The following NUMB variants were observed in gnomAD, a reference collection of about 807,000 sequenced individuals.
NUMB encodes the protein NUMB endocytic adaptor protein, also known as protein numb homolog.
Under a neutral mutation model 59.7 loss-of-function variants are expected in NUMB, and 29 were observed. That is an observed-to-expected ratio of 0.49 (90% CI 0.36 to 0.66). The LOEUF (loss-of-function observed/expected upper bound fraction) is 0.66, where lower values mean the gene tolerates loss of function less well. Among genes scored for constraint, NUMB ranks in the 30% least tolerant of loss-of-function variants. The pLI, the probability that NUMB is intolerant of heterozygous loss-of-function variation, is 0.00. For missense variants in NUMB, 723 were observed against 822.0 expected (o/e 0.88, Z 1.47); for synonymous variants, 288 against 288.2 (o/e 1.00, Z 0.01).
intron 1 of NUMB, among the ~76,000 whole-genome samples, chr14:73,420,983 A>G (rs1302368031): frequency 1.3e-5 from 2 of 152,178 alleles, no homozygotes; most frequent in African/African-American, 4.8e-5. Flanking sequence ...AAAATGCGGA[A>G]AAAAAATCTA....
At chr14:73,349,394 C>A (rs1364060417) in intron 4 of NUMB, among the ~76,000 whole-genome samples, 1 of 152,000 alleles carries the variant, frequency 6.6e-6, no homozygotes, top group East Asian at 1.9e-4. Flanking sequence ...TCATGACCAG[C>A]CTGGCCAACA....
At chr14:73,341,049 A>G (rs759412386) in intron 4 of NUMB, among the ~76,000 whole-genome samples, 95 of 152,210 alleles carry the variant, frequency 6.2e-4, no homozygotes, top group Admixed American at 4.6e-3. Flanking sequence ...CATCATGATT[A>G]TAAGTTTCCT....
At chr14:73,405,777 T>C (rs1167376548) in intron 2 of NUMB, among the ~76,000 whole-genome samples, 1 of 142,736 alleles carries the variant, frequency 7.0e-6, no homozygotes, top group East Asian at 3.2e-4. Flanking sequence ...GGACAAACTC[T>C]GTTGTTTTGG....
chr14:73,426,493 G>A (rs1393855648), intron 1 of NUMB, among the ~76,000 whole-genome samples: 1 of 152,080 alleles, frequency 6.6e-6, no homozygotes, highest in East Asian at 1.9e-4. Context: ...GATCACTTGA[G>A]CCCAGGAGTT....
At chr14:73,331,473 G>T (rs1034118472) in intron 4 of NUMB, among the ~76,000 whole-genome samples, 2 of 152,164 alleles carry the variant, frequency 1.3e-5, no homozygotes, top group African/African-American at 4.8e-5. Flanking sequence ...GCATGAACCA[G>T]GGAGGCGGAG....
intron 2 of NUMB, among the ~76,000 whole-genome samples, chr14:73,378,548 A>C (rs542711766): frequency 2.6e-5 from 4 of 152,342 alleles, no homozygotes; most frequent in African/African-American, 9.6e-5. Context: ...GTACATTCAA[A>C]AAGTGGAATA....
intron 4 of NUMB, among the ~76,000 whole-genome samples, chr14:73,338,975 A>G (rs1566749595): frequency 6.6e-6 from 1 of 152,238 alleles, no homozygotes; most frequent in Non-Finnish European, 1.5e-5. Flanking sequence ...ACCACTTCAG[A>G]AAATAACATC....
In NUMB at chr14:73,355,033, T is replaced by C. The variant is rs184907622; in HGVS notation, c.126+593A>G. 2.8e-3 allele frequency among the ~76,000 whole-genome samples: 430 copies of C among 152,288 alleles called. 1 individual carries two copies. The highest frequency in any genetic ancestry group is 4.4e-3 in the Non-Finnish European group (302 of 68,014). ...ATAGTAAATAACATACATATTTCTTTCATTTCACTAAAATATGACCTGTCT... is the reference window on the plus strand; with the variant it reads ...ATAGTAAATAACATACATATTTCTTCCATTTCACTAAAATATGACCTGTCT... On this transcript the variant is annotated intron_variant, in intron 4 of 12. Transcript: ENST00000555238.
chr14:73,429,567 C>T (rs987977279), intron 1 of NUMB, among the ~76,000 whole-genome samples: 3 of 152,124 alleles, frequency 2.0e-5, no homozygotes, highest in African/African-American at 7.2e-5. Flanking sequence ...TATCAATTTA[C>T]CAGTTGAAGT....
intron 1 of NUMB, among the ~76,000 whole-genome samples, chr14:73,435,336 C>T (rs1166555681): frequency 6.8e-6 from 1 of 147,938 alleles, no homozygotes; most frequent in South Asian, 2.1e-4. Flanking sequence ...TGCAGTGGCG[C>T]GATCTCGACT....
At chr14:73,334,345 C>T (rs534110073) in intron 4 of NUMB, among the ~76,000 whole-genome samples, 2 of 152,132 alleles carry the variant, frequency 1.3e-5, no homozygotes, top group African/African-American at 4.8e-5. Flanking sequence ...TCTTTTTTTG[C>T]ACTATCTTTA....
chr14:73,419,509 A>G (rs1009025582), intron 1 of NUMB, among the ~76,000 whole-genome samples: 1 of 152,186 alleles, frequency 6.6e-6, no homozygotes, highest in African/African-American at 2.4e-5. Context: ...ACTCCATCAC[A>G]AAATAAATAA....
intron 5 of NUMB, among the ~76,000 whole-genome samples, chr14:73,319,129 G>C (rs1479194317): frequency 1.3e-5 from 2 of 152,236 alleles, no homozygotes; most frequent in East Asian, 1.9e-4. Context: ...TGAGTGTGGT[G>C]GTGGGCGCCT....
At chr14:73,452,728 C>T (rs1884074798) in intron 1 of NUMB, among the ~76,000 whole-genome samples, 5 of 152,280 alleles carry the variant, frequency 3.3e-5, no homozygotes, top group Non-Finnish European at 2.9e-5. Flanking sequence ...TGCTGGGGAC[C>T]TCCCAAGAGC....
At chr14:73,335,923 G>A (rs1892286739) in intron 4 of NUMB, among the ~76,000 whole-genome samples, 1 of 152,194 alleles carries the variant, frequency 6.6e-6, no homozygotes, top group East Asian at 1.9e-4. Flanking sequence ...TTTAACCAAA[G>A]AGGAATAGTT....
chr14:73,395,045 G>A (rs868708307), intron 2 of NUMB, among the ~76,000 whole-genome samples: 1,944 of 107,416 alleles, frequency 0.018, 33 homozygotes, highest in Admixed American at 0.026. Flanking sequence ...GTTTGTGTGT[G>A]TGTGTGTGTG....
intron 2 of NUMB, among the ~76,000 whole-genome samples, chr14:73,399,813 G>A (rs1258496553): frequency 6.6e-6 from 1 of 152,100 alleles, no homozygotes; most frequent in Non-Finnish European, 1.5e-5. Flanking sequence ...GGAGGCCAAG[G>A]CCAGTGGATC....
intron 2 of NUMB, among the ~76,000 whole-genome samples, chr14:73,401,102 T>C (rs1413381432): frequency 2.6e-5 from 4 of 152,152 alleles, no homozygotes; most frequent in African/African-American, 9.7e-5. Context: ...TCCAAGTAAA[T>C]AATGTCAGAA....
At chr14:73,322,927 G>A in intron 5 of NUMB, 1 of 405,332 alleles carries the variant, frequency 2.5e-6, no homozygotes, top group Non-Finnish European at 4.4e-6. Context: ...CTGGCCTCAT[G>A]TAATCCTCCT....
Sources: gnomAD v4.1 joint callset for allele counts (sites outside exome capture counted in the v4.1 genomes callset) on GRCh38, gnomAD v4.1.1 for gene constraint, MANE v1.5 for transcripts, NCBI Gene and HGNC (gene_info 2026-07-23, HGNC 2026-07-21) for gene names.